B3GALT1: variants seen among roughly 807,000 people sequenced by gnomAD.
The protein encoded by B3GALT1 is beta-1,3-galactosyltransferase 1, also known as UDP-Gal:betaGlcNAc beta 1,3-galactosyltransferase, polypeptide 1.
A neutral mutation model predicts 23.2 loss-of-function variants in B3GALT1; 10 were observed. The observed-to-expected ratio is 0.43, with a 90% confidence interval of 0.27 to 0.73. The LOEUF is 0.73. Among genes scored for constraint, B3GALT1 ranks in the 30% least tolerant of loss-of-function variants. B3GALT1 has a pLI of 0.21. For missense variants in B3GALT1, 299 were observed against 405.4 expected (o/e 0.74, Z 2.25); for synonymous variants, 156 against 141.5 (o/e 1.10, Z -0.73).
chr2:167,478,402 G>T (rs1657024788), intron 1 of B3GALT1, among the ~76,000 whole-genome samples: 2 of 152,146 alleles, frequency 1.3e-5, no homozygotes, highest in Admixed American at 1.3e-4. Context: ...GAGGAAGTCA[G>T]TTCCGTCAAT....
At chr2:167,346,225 A>G (rs189318434) in intron 1 of B3GALT1, among the ~76,000 whole-genome samples, 127 of 152,050 alleles carry the variant, frequency 8.4e-4, no homozygotes, top group Middle Eastern at 3.4e-3. Flanking sequence ...GGTGACTCCA[A>G]TGCAGTTCAC....
intron 2 of B3GALT1, among the ~76,000 whole-genome samples, chr2:167,496,970 G>T (rs1027876813): frequency 6.6e-6 from 1 of 151,962 alleles, no homozygotes; most frequent in African/African-American, 2.4e-5. Flanking sequence ...TGAGTTAATG[G>T]GTGCAGCACA....
At chr2:167,448,453 T>C (rs1699037367) in intron 1 of B3GALT1, among the ~76,000 whole-genome samples, 1 of 152,156 alleles carries the variant, frequency 6.6e-6, no homozygotes, top group Non-Finnish European at 1.5e-5. Flanking sequence ...CAATTTTTGA[T>C]GGGATTGTTG....
chr2:167,751,031 T>G (rs1176605293), intron 3 of B3GALT1, among the ~76,000 whole-genome samples: 1 of 152,192 alleles, frequency 6.6e-6, no homozygotes, highest in African/African-American at 2.4e-5. Flanking sequence ...AACTCTGCTG[T>G]TGCTGCAAGA....
At chr2:167,330,686 A>G (rs1696959521) in intron 1 of B3GALT1, among the ~76,000 whole-genome samples, 2 of 152,156 alleles carry the variant, frequency 1.3e-5, no homozygotes, top group South Asian at 4.1e-4. Context: ...GTTTGTTTGT[A>G]TCTTTTTATG....
chr2:167,681,875 A>G (rs1242904689), intron 3 of B3GALT1, among the ~76,000 whole-genome samples: 2 of 152,224 alleles, frequency 1.3e-5, no homozygotes, highest in Non-Finnish European at 2.9e-5. Flanking sequence ...CAGAACAATG[A>G]AGAATTATGC....
At chr2:167,800,231 G>T (rs549167151) in intron 3 of B3GALT1, among the ~76,000 whole-genome samples, 1 of 152,168 alleles carries the variant, frequency 6.6e-6, no homozygotes. Flanking sequence ...GGGACAGGAA[G>T]CCCCAGAGGA....
At chr2:167,293,673 T>G (rs1271146706) in intron 1 of B3GALT1, among the ~76,000 whole-genome samples, 1 of 150,996 alleles carries the variant, frequency 6.6e-6, no homozygotes, top group African/African-American at 2.4e-5. Context: ...TGGGCTGGAG[T>G]GAGTAGGATG....
intron 2 of B3GALT1, among the ~76,000 whole-genome samples, chr2:167,555,988 A>G (rs1308105651): frequency 2.6e-5 from 4 of 152,176 alleles, no homozygotes; most frequent in Non-Finnish European, 5.9e-5. Context: ...CCGAATATGA[A>G]TTATGCCAAT....
chr2:167,679,284 AATTTTTGTATT>A (rs1482201034), intron 3 of B3GALT1, among the ~76,000 whole-genome samples: 4 of 151,794 alleles, frequency 2.6e-5, no homozygotes, highest in African/African-American at 9.7e-5. Flanking sequence ...ACACCTGGCT[AATTTTTGTATT>A]ATTAGTAGAG....
chr2:167,528,086 C>T (rs1481158866), intron 2 of B3GALT1, among the ~76,000 whole-genome samples: 3 of 152,086 alleles, frequency 2.0e-5, no homozygotes, highest in African/African-American at 7.2e-5. Context: ...TTGCAGCCCT[C>T]GTGGAGCATT....
intron 3 of B3GALT1, among the ~76,000 whole-genome samples, chr2:167,698,589 C>A (rs1686822763): frequency 6.6e-6 from 1 of 152,112 alleles, no homozygotes; most frequent in African/African-American, 2.4e-5. Context: ...ACCATATTGT[C>A]ATTTCTGATT....
chr2:167,320,165 A>G (rs1482347678), intron 1 of B3GALT1, among the ~76,000 whole-genome samples: 2 of 151,426 alleles, frequency 1.3e-5, no homozygotes, highest in African/African-American at 4.9e-5. Context: ...ATGCAATTCA[A>G]CATCCTGAGC....
In B3GALT1 at chr2:167,484,959, A is replaced by G. The variant is rs547325005; in HGVS notation, c.-510-5218A>G. 3.3e-5 allele frequency among the ~76,000 whole-genome samples: 5 copies of G among 152,308 alleles called. No individual in the cohort carries two copies. In the South Asian group the frequency reaches 8.3e-4, roughly 25 times the overall value. On this transcript the variant is annotated intron_variant, in intron 1 of 4. Transcript: ENST00000392690. ...AGTGAGTTAGAATTCGGTATCTTAC[A>G]GCTGTAAAGATACTTTTACATTTTG... is the stretch of plus-strand genomic sequence containing the variant.
intron 4 of B3GALT1, among the ~76,000 whole-genome samples, chr2:167,865,228 G>A (rs1223324580): frequency 6.6e-6 from 1 of 152,032 alleles, no homozygotes; most frequent in Non-Finnish European, 1.5e-5. Context: ...GGCCAACATG[G>A]TGAAACCCCA....
chr2:167,539,971 A>G (rs1194787578), intron 2 of B3GALT1, among the ~76,000 whole-genome samples: 3 of 152,156 alleles, frequency 2.0e-5, no homozygotes, highest in Non-Finnish European at 2.9e-5. Flanking sequence ...GAAAAGGCAT[A>G]CTGAATATGA....
chr2:167,665,608 T>C (rs993609104), intron 3 of B3GALT1, among the ~76,000 whole-genome samples: 2 of 151,876 alleles, frequency 1.3e-5, no homozygotes, highest in African/African-American at 2.4e-5. Context: ...TCTTTTTGGT[T>C]GGTAAGCTAT....
intron 1 of B3GALT1, among the ~76,000 whole-genome samples, chr2:167,453,277 A>G (rs2105321219): frequency 6.6e-6 from 1 of 152,278 alleles, no homozygotes; most frequent in East Asian, 1.9e-4. Flanking sequence ...TGGATATATT[A>G]TTGCATTCTG....
chr2:167,549,188 G>T (rs990860786), intron 2 of B3GALT1, among the ~76,000 whole-genome samples: 4 of 152,168 alleles, frequency 2.6e-5, no homozygotes, highest in African/African-American at 9.7e-5. Flanking sequence ...ATTTATAACA[G>T]TTAAAAATAG....
Sources: gnomAD v4.1 joint callset for allele counts (sites outside exome capture counted in the v4.1 genomes callset) on GRCh38, gnomAD v4.1.1 for gene constraint, MANE v1.5 for transcripts, NCBI Gene and HGNC (gene_info 2026-07-23, HGNC 2026-07-21) for gene names.